The following B4GALT1 variants were observed in gnomAD, a reference collection of about 807,000 sequenced individuals.
B4GALT1 encodes N-acetyllactosamine synthase.
In B4GALT1, 16 loss-of-function variants were observed where a neutral mutation model predicts 34.9. The observed-to-expected ratio is 0.46, with a 90% CI of 0.31 to 0.70. The LOEUF (loss-of-function observed/expected upper bound fraction) is 0.70, where lower values mean the gene tolerates loss of function less well. Ranked by LOEUF, B4GALT1 falls within the 30% of genes least tolerant of loss-of-function variation. The pLI is 0.05. For synonymous variants in B4GALT1, 221 were observed against 218.1 expected, an observed-to-expected ratio of 1.01 and a Z score of -0.12; for missense variants, 445 against 530.5, an observed-to-expected ratio of 0.84 and a Z score of 1.58.
At chr9:33,144,662 C>T (rs777118423) in intron 1 of B4GALT1, among the ~76,000 whole-genome samples, 3 of 152,234 alleles carry the variant, frequency 2.0e-5, no homozygotes, top group Non-Finnish European at 4.4e-5. Context: ...AACCAAATGT[C>T]ATCCCCTCTT....
At chr9:33,119,023 G>C (rs919390237) in intron 3 of B4GALT1, among the ~76,000 whole-genome samples, 1 of 151,978 alleles carries the variant, frequency 6.6e-6, no homozygotes, top group East Asian at 1.9e-4. Context: ...CACCACACCT[G>C]GCTAATTTTT....
At chr9:33,152,219 G>A (rs758903606) in intron 1 of B4GALT1, among the ~76,000 whole-genome samples, 2 of 151,836 alleles carry the variant, frequency 1.3e-5, no homozygotes, top group Non-Finnish European at 2.9e-5. Flanking sequence ...CAGGAGAATC[G>A]CTTGAACCCA....
the B4GALT1 span, among the ~76,000 whole-genome samples, chr9:33,184,289 A>ACAC: frequency 8.5e-3 from 859 of 100,894 alleles, 1 homozygote; most frequent in Non-Finnish European, 0.012. Context: ...CACACACACA[A>ACAC]AAACATAGGA....
At chr9:33,134,679 C>T (rs1031853406) in intron 2 of B4GALT1, among the ~76,000 whole-genome samples, 2 of 152,166 alleles carry the variant, frequency 1.3e-5, no homozygotes. Flanking sequence ...AGATGGCCCA[C>T]GAATCAGACT....
intron 1 of B4GALT1, among the ~76,000 whole-genome samples, chr9:33,135,890 A>AGAGTGTGTGTGTGTGTGTGTGT: frequency 9.6e-6 from 1 of 104,156 alleles, no homozygotes; most frequent in East Asian, 2.9e-4. Context: ...TAACTGGGGA[A>AGAGTGTGTGTGTGTGTGTGTGT]GTGTGTGTGT....
At chr9:33,104,739 C>T (rs1012146040) in exon 3 of B4GALT1, 6 of 455,858 alleles carry the variant, frequency 1.3e-5, no homozygotes, top group African/African-American at 1.2e-4. Flanking sequence ...GCAGAACAGA[C>T]CAGGCGAAGC....
At position 33,111,778 on chromosome 9, in the gene B4GALT1, G is replaced by GA. The variant is rs113144091; in HGVS notation, c.*1675dup. On this transcript the variant is annotated 3_prime_UTR_variant, in exon 6 of 6. Transcript: ENST00000379731. Reference sequence around the variant, plus strand: ...ACCTGGCAAAGGCGCTCAGTGGTAGGAGTGCCTTGTGTCATCTCATCCCAG... The same window carrying GA: ...ACCTGGCAAAGGCGCTCAGTGGTAGGAAGTGCCTTGTGTCATCTCATCCCAG... 0.032 allele frequency: 4,841 copies of GA among 152,616 alleles called. 144 individuals carry two copies. Among genetic ancestry groups the GA allele is most frequent in the East Asian group, 0.11 (581 of 5,166 alleles). The allele number at this position is 152,616 out of a possible 1,614,324, so 9.5% of individuals were successfully genotyped here. A position where few individuals can be genotyped will look rare whatever the true frequency, so the allele number is the denominator to read the frequency against.
intron 1 of B4GALT1, among the ~76,000 whole-genome samples, chr9:33,155,279 C>G (rs117240475): frequency 1.3e-5 from 2 of 152,164 alleles, no homozygotes; most frequent in Non-Finnish European, 2.9e-5. Flanking sequence ...GATTCCAACA[C>G]CAGCCCCGAG....
chr9:33,172,865 G>T, the B4GALT1 span, among the ~76,000 whole-genome samples: 1 of 151,404 alleles, frequency 6.6e-6, no homozygotes, highest in Non-Finnish European at 1.5e-5. Context: ...CACTAGGTAG[G>T]GTTGAGCAAC....
At chr9:33,167,559 C>T (rs1344378103), upstream of B4GALT1, among the ~76,000 whole-genome samples, 3 of 152,234 alleles carry the variant, frequency 2.0e-5, no homozygotes, top group East Asian at 3.8e-4. Flanking sequence ...GGCCGCGCAC[C>T]GCCCTCTTCC....
intron 1 of B4GALT1, among the ~76,000 whole-genome samples, chr9:33,157,144 A>ACACACACACG (rs1554688672): frequency 6.6e-6 from 1 of 150,976 alleles, no homozygotes; most frequent in African/African-American, 2.5e-5. Flanking sequence ...ACACACACAC[A>ACACACACACG]CACACACACA....
intron 3 of B4GALT1, among the ~76,000 whole-genome samples, chr9:33,118,924 C>T (rs1364573705): frequency 5.3e-5 from 8 of 151,818 alleles, no homozygotes; most frequent in Admixed American, 2.6e-4. Context: ...TTCAATGGCG[C>T]GATCTCAACT....
downstream of B4GALT1, among the ~76,000 whole-genome samples, chr9:33,109,422 T>C (rs779530215): frequency 6.6e-6 from 1 of 152,250 alleles, no homozygotes; most frequent in Non-Finnish European, 1.5e-5. Flanking sequence ...TGTTAAGTGT[T>C]ACACTGAGTT....
At chr9:33,137,315 GAT>G (rs1331755031) in intron 1 of B4GALT1, among the ~76,000 whole-genome samples, 1 of 152,178 alleles carries the variant, frequency 6.6e-6, no homozygotes, top group African/African-American at 2.4e-5. Context: ...CGCATTGAGA[GAT>G]AGGCCTCAAT....
chr9:33,183,706 G>A, the B4GALT1 span, among the ~76,000 whole-genome samples: 1 of 150,382 alleles, frequency 6.6e-6, no homozygotes, highest in African/African-American at 2.4e-5. Flanking sequence ...TGGGTGCAGC[G>A]CACCAGCGTG....
the B4GALT1 span, among the ~76,000 whole-genome samples, chr9:33,183,976 C>A: frequency 6.6e-6 from 1 of 151,894 alleles, no homozygotes; most frequent in Non-Finnish European, 1.5e-5. Flanking sequence ...AATGAGAACA[C>A]ATGGACACAG....
In B4GALT1 at chr9:33,111,701, G is replaced by A. The variant is rs1481744561; in HGVS notation, c.*1753C>T. 1.3e-5 allele frequency: 2 copies of A among 152,674 alleles called. No homozygotes were observed. The highest frequency in any genetic ancestry group is 2.9e-5 in the Non-Finnish European group (2 of 68,086). The allele number at this position is 152,674 out of a possible 1,614,324, so 9.5% of individuals were successfully genotyped here. The stretch of plus-strand genomic sequence containing the variant: ...GGTTTGGGGTCCGCCACGAGCACAA[G>A]GCTCAACCCTGGGATTAGGCAGCTG... On this transcript the variant is annotated 3_prime_UTR_variant, in exon 6 of 6. Coordinates refer to ENST00000379731, the MANE Select transcript of B4GALT1 (RefSeq NM_001497.4).
intron 1 of B4GALT1, among the ~76,000 whole-genome samples, chr9:33,144,460 G>A (rs1448361741): frequency 1.3e-5 from 2 of 151,686 alleles, no homozygotes; most frequent in African/African-American, 4.8e-5. Context: ...GGATGGTCTC[G>A]ATCTCCTGAC....
At chr9:33,170,417 T>C (rs1353675396), upstream of B4GALT1, among the ~76,000 whole-genome samples, 3 of 152,166 alleles carry the variant, frequency 2.0e-5, no homozygotes, top group Admixed American at 6.5e-5. Context: ...CAGCATCCTG[T>C]GTCTAGGGGT....
Sources: allele counts gnomAD v4.1 joint callset (sites outside exome capture counted in the v4.1 genomes callset), GRCh38; gene constraint gnomAD v4.1.1; transcripts MANE v1.5; gene names NCBI Gene and HGNC (gene_info 2026-07-23, HGNC 2026-07-21).